Variants in ASB4 observed in about 807,000 individuals in gnomAD.
ASB4 encodes ankyrin repeat and SOCS box containing 4, also known as ankyrin repeat and SOCS box protein 4.
A neutral mutation model predicts 38.6 loss-of-function variants in ASB4; 35 were observed. The ratio of observed to expected loss-of-function variants is 0.91; its 90% CI spans 0.69 to 1.20. The LOEUF is 1.20. Ranked by LOEUF, ASB4 falls within the 50% of genes most tolerant of loss-of-function variation. The probability of loss-of-function intolerance (pLI) is 0.00; values close to 1 mark genes in which losing one functional copy is unlikely to be tolerated. For synonymous variants in ASB4, 195 were observed against 201.3 expected (o/e 0.97, Z 0.26); for missense variants, 557 against 527.2 (o/e 1.06, Z -0.55).
intron 3 of ASB4, among the ~76,000 whole-genome samples, chr7:95,535,548 C>G (rs904841619): frequency 1.4e-4 from 22 of 152,138 alleles, no homozygotes; most frequent in African/African-American, 5.3e-4. Flanking sequence ...GATGATTAAA[C>G]TGGGAGTCAG....
At chr7:95,545,508 T>A in the ASB4 span, among the ~76,000 whole-genome samples, 2 of 152,172 alleles carry the variant, frequency 1.3e-5, no homozygotes, top group Non-Finnish European at 2.9e-5. Context: ...TTCATTCAAT[T>A]TCCCTTCTTT....
intron 2 of ASB4, among the ~76,000 whole-genome samples, chr7:95,526,431 G>A (rs1387706942): frequency 1.3e-5 from 2 of 151,762 alleles, no homozygotes; most frequent in African/African-American, 2.4e-5. Context: ...CTGTGCTGCC[G>A]GTTGCAACTT....
chr7:95,513,252 TG>T (rs142852535), intron 2 of ASB4, among the ~76,000 whole-genome samples: 4,060 of 100,580 alleles, frequency 0.04, 214 homozygotes, highest in South Asian at 0.098. Flanking sequence ...GTTTTTTGTT[TG>T]TTTTTTTTTT....
At chr7:95,520,766 A>G (rs949415322) in intron 2 of ASB4, among the ~76,000 whole-genome samples, 3 of 151,828 alleles carry the variant, frequency 2.0e-5, no homozygotes, top group Non-Finnish European at 2.9e-5. Context: ...GTCATTACAG[A>G]TGCTTTCTGT....
intron 3 of ASB4, chr7:95,528,512 A>G (rs1790777368): frequency 7.0e-7 from 1 of 1,429,218 alleles, no homozygotes; most frequent in Admixed American, 2.9e-5. Context: ...GAGAGCTAGA[A>G]TGAGAAAAAG....
chr7:95,545,672 T>C, the ASB4 span, among the ~76,000 whole-genome samples: 1 of 152,206 alleles, frequency 6.6e-6, no homozygotes, highest in African/African-American at 2.4e-5. Context: ...CATGTACTTA[T>C]GTAGAGTAAA....
At chr7:95,496,119 G>A in intron 2 of ASB4, 62 bp downstream of exon 2, 3 of 1,492,610 alleles carry the variant, frequency 2.0e-6, no homozygotes, top group Non-Finnish European at 2.8e-6. Context: ...TCAAGACTTT[G>A]TGACCCCTAC....
In ASB4 at chr7:95,480,471, G is replaced by A. The variant is rs539379475; in HGVS notation, n.157+1871G>A. ...GTCAGTGTGACCATAGGATATGATA[G>A]AAACAGTGGTATATGACTTCCTAGG... On this transcript the variant is annotated intron_variant and non_coding_transcript_variant, in intron 1 of 1. Transcript: ENST00000257621. Among the ~76,000 whole-genome samples the A allele has an allele frequency of 4.6e-5, 7 of 152,278 alleles. No homozygotes were observed. In the East Asian group the frequency reaches 1.4e-3, roughly 29 times the overall value.
At chr7:95,476,968 A>G (rs1433576676), upstream of ASB4, among the ~76,000 whole-genome samples, 2 of 152,254 alleles carry the variant, frequency 1.3e-5, no homozygotes, top group Non-Finnish European at 2.9e-5. Context: ...TCATAAACCA[A>G]TAGCAAATTC....
chr7:95,522,428 T>C (rs536636425), intron 2 of ASB4, among the ~76,000 whole-genome samples: 3 of 152,230 alleles, frequency 2.0e-5, no homozygotes, highest in African/African-American at 7.2e-5. Flanking sequence ...TCATTTAGGA[T>C]AATCTTTCCT....
intron 3 of ASB4, among the ~76,000 whole-genome samples, chr7:95,529,734 A>G (rs1378808139): frequency 6.6e-6 from 1 of 152,220 alleles, no homozygotes; most frequent in Non-Finnish European, 1.5e-5. Context: ...AATAAGAATA[A>G]TGTTACAGTA....
At chr7:95,547,390 C>G in the ASB4 span, among the ~76,000 whole-genome samples, 1 of 152,216 alleles carries the variant, frequency 6.6e-6, no homozygotes, top group Non-Finnish European at 1.5e-5. Flanking sequence ...CAGAATTATA[C>G]AGCATATATT....
upstream of ASB4, among the ~76,000 whole-genome samples, chr7:95,484,570 T>A (rs1455156235): frequency 1.3e-5 from 2 of 152,192 alleles, no homozygotes; most frequent in East Asian, 3.8e-4. Context: ...AAAATAAGTT[T>A]AAAATTATGT....
upstream of ASB4, among the ~76,000 whole-genome samples, chr7:95,474,211 T>A (rs1417034805): frequency 6.6e-6 from 1 of 152,232 alleles, no homozygotes; most frequent in African/African-American, 2.4e-5. Flanking sequence ...CTTTTCCTTT[T>A]CTTGAACATT....
chr7:95,546,639 A>G, the ASB4 span, among the ~76,000 whole-genome samples: 1 of 152,182 alleles, frequency 6.6e-6, no homozygotes, highest in Non-Finnish European at 1.5e-5. Flanking sequence ...AGTACAGTGT[A>G]AGGACTGTTA....
chr7:95,540,862 T>C (rs1030869188), downstream of ASB4, among the ~76,000 whole-genome samples: 1 of 152,218 alleles, frequency 6.6e-6, no homozygotes, highest in African/African-American at 2.4e-5. Context: ...GAACGATGAT[T>C]GTAGGGATAA....
At chr7:95,492,394 G>A (rs532393398) in intron 1 of ASB4, among the ~76,000 whole-genome samples, 1 of 152,164 alleles carries the variant, frequency 6.6e-6, no homozygotes, top group African/African-American at 2.4e-5. Flanking sequence ...CTTGTGATTT[G>A]TGAAGCAGGC....
chr7:95,503,777 C>G (rs1455111900), intron 2 of ASB4, among the ~76,000 whole-genome samples: 5 of 152,170 alleles, frequency 3.3e-5, no homozygotes, highest in Non-Finnish European at 7.3e-5. Context: ...CAACTGAAAA[C>G]CGATGTAATT....
At position 95,527,978 on chromosome 7, in the gene ASB4, G is replaced by T; in HGVS notation, c.653G>T (p.Trp218Leu). Residue 218 changes from tryptophan to leucine, a missense_variant, in exon 3 of 5, where the codon TGG becomes TTG. Trp to Leu is a moderately conservative substitution (Grantham distance 61). Coordinates refer to ENST00000325885, the MANE Select transcript of ASB4 (RefSeq NM_016116.3). The part of the protein sequence containing the change: ...METPLAIAAY[W>L]ALRFKEQEYS... Reference sequence around the variant, plus strand: ...ACCCCCCTGGCCATCGCCGCCTACTGGGCCCTCCGCTTTAAGGAGCAGGAG... The same window carrying T: ...ACCCCCCTGGCCATCGCCGCCTACTTGGCCCTCCGCTTTAAGGAGCAGGAG... 6.2e-7 allele frequency: 1 copy of T among 1,614,072 alleles called. No homozygotes were observed. Among genetic ancestry groups the T allele is most frequent in the Middle Eastern group, 1.6e-4 (1 of 6,062 alleles).
Sources: allele counts gnomAD v4.1 joint callset (sites outside exome capture counted in the v4.1 genomes callset), GRCh38; gene constraint gnomAD v4.1.1; transcripts MANE v1.5; gene names NCBI Gene and HGNC (gene_info 2026-07-23, HGNC 2026-07-21).